The following AXIN1 variants were observed in gnomAD, a reference collection of about 807,000 sequenced individuals.
AXIN1 encodes axin 1.
A neutral mutation model predicts 76.4 loss-of-function variants in AXIN1; 30 were observed. That is an observed-to-expected ratio of 0.39 (90% CI 0.29 to 0.53). The LOEUF (loss-of-function observed/expected upper bound fraction) is 0.53. Among genes scored for constraint, AXIN1 ranks in the 20% least tolerant of loss-of-function variants. AXIN1 has a pLI of 0.66. For synonymous variants in AXIN1, 545 were observed against 501.4 expected (o/e 1.09, Z -1.16); for missense variants, 1,140 against 1,198.8 (o/e 0.95, Z 0.72).
intron 2 of AXIN1, among the ~76,000 whole-genome samples, chr16:318,016 C>T (rs185932700): frequency 7.9e-5 from 12 of 152,322 alleles, no homozygotes; most frequent in Non-Finnish European, 1.5e-4. Flanking sequence ...CTGTAGCCCA[C>T]GGCACTTGGT....
intron 10 of AXIN1, among the ~76,000 whole-genome samples, chr16:288,714 G>A (rs1022941973): frequency 2.6e-5 from 4 of 152,358 alleles, no homozygotes; most frequent in East Asian, 1.9e-4. Flanking sequence ...TCTGCTCACC[G>A]CCCAGTGCTC....
At chr16:290,966 G>A in intron 9 of AXIN1, 1 of 600,114 alleles carries the variant, frequency 1.7e-6, no homozygotes, top group Non-Finnish European at 3.0e-6. Context: ...GGGCCTTTTG[G>A]TCACTTGTCA....
intron 2 of AXIN1, among the ~76,000 whole-genome samples, chr16:339,029 G>A (rs2053861682): frequency 2.0e-5 from 3 of 151,018 alleles, no homozygotes; most frequent in Non-Finnish European, 4.4e-5. Flanking sequence ...ATGAGCCACC[G>A]TGCCTGGCCA....
At chr16:324,721 A>G (rs2053540726) in intron 2 of AXIN1, among the ~76,000 whole-genome samples, 1 of 152,106 alleles carries the variant, frequency 6.6e-6, no homozygotes, top group Non-Finnish European at 1.5e-5. Context: ...TGAGCGGTCC[A>G]ATCCTCAGAC....
chr16:320,721 G>GTA (rs1363646713), intron 2 of AXIN1, among the ~76,000 whole-genome samples: 37 of 120,158 alleles, frequency 3.1e-4, no homozygotes, highest in East Asian at 1.1e-3. Flanking sequence ...ATGCGTGTGT[G>GTA]TGTATATATA....
intron 1 of AXIN1, among the ~76,000 whole-genome samples, chr16:349,424 A>G (rs999961425): frequency 6.6e-6 from 1 of 152,206 alleles, no homozygotes; most frequent in African/African-American, 2.4e-5. Flanking sequence ...GGACGCCATC[A>G]CAGGAAAGAA....
chr16:315,630 A>C (rs2053282468), intron 2 of AXIN1, among the ~76,000 whole-genome samples: 1 of 152,122 alleles, frequency 6.6e-6, no homozygotes, highest in African/African-American at 2.4e-5. Context: ...GATCGAGACC[A>C]TCCTGGCTAA....
At chr16:288,402 C>T in intron 10 of AXIN1, 154 bp from the exon 11 acceptor site, 1 of 1,113,636 alleles carries the variant, frequency 9.0e-7, no homozygotes, top group Non-Finnish European at 1.3e-6. Flanking sequence ...CCCAGGGCAA[C>T]AGTGAACAGT....
Position 298,149 on chromosome 16 carries a change from C to A in AXIN1, c.1357G>T (p.Asp453Tyr). 6.5e-7 allele frequency: 1 copy of A among 1,543,768 alleles called. No homozygotes were observed. The highest frequency in any genetic ancestry group is 8.7e-7 in the Non-Finnish European group (1 of 1,147,730). ...AWHHFPPRCV[D>Y]MGCAGLRDAH... ...TCCCGGAGCCCGGCACAGCCCATGT[C>A]CACACAGCGGGGCGGGAAGTGGTGC... The change falls in exon 6 of 11, where the codon GAC becomes TAC. Residue 453 changes from aspartate to tyrosine, a missense_variant. This residue lies in a region of AXIN1 where 708 missense variants were observed against 776.9 expected (regional missense o/e 0.91). Transcript: ENST00000262320.
At chr16:306,551 C>A (rs538753381) in intron 4 of AXIN1, among the ~76,000 whole-genome samples, 3 of 152,310 alleles carry the variant, frequency 2.0e-5, no homozygotes, top group Admixed American at 6.5e-5. Flanking sequence ...CTCATCTACA[C>A]AATGAGAGTA....
At chr16:303,982 G>A (rs538960436) in intron 5 of AXIN1, among the ~76,000 whole-genome samples, 204 of 152,254 alleles carry the variant, frequency 1.3e-3, no homozygotes, top group African/African-American at 4.7e-3. Context: ...GAGATCACCC[G>A]CTGCAGTCTC....
intron 2 of AXIN1, among the ~76,000 whole-genome samples, chr16:319,340 C>T (rs1223257391): frequency 2.0e-5 from 3 of 152,064 alleles, no homozygotes; most frequent in Admixed American, 6.6e-5. Context: ...ACAAAAATGT[C>T]GTGGAGAGGA....
chr16:309,209 A>AC (rs1235985368), intron 4 of AXIN1, among the ~76,000 whole-genome samples: 1 of 151,524 alleles, frequency 6.6e-6, no homozygotes, highest in Non-Finnish European at 1.5e-5. Context: ...AGGCGCCTGT[A>AC]CTCCCAGCTA....
rs1265435670 is a variant in AXIN1 at position 289,508 on chromosome 16, G to A, written c.2394C>T (p.Thr798=). 5.0e-6 allele frequency: 8 copies of A among 1,612,970 alleles called. No homozygotes were observed. The highest frequency in any genetic ancestry group is 6.8e-6 in the Non-Finnish European group (8 of 1,180,020). Residue 798 remains threonine, a synonymous_variant, in exon 10 of 11, where the codon ACC becomes ACT. Transcript: ENST00000262320. The part of the protein sequence containing the change: ...YFCGEPIPYR[T]LVRGRAVTLG... ...GGGTGACAGCGCGGCCCCTCACCAG[G>A]GTGCGGTAGGGGATGGGTTCCCCGC... is the stretch of plus-strand genomic sequence containing the variant.
chr16:308,306 G>C (rs1350453353), intron 4 of AXIN1, among the ~76,000 whole-genome samples: 3 of 152,210 alleles, frequency 2.0e-5, no homozygotes, highest in African/African-American at 7.2e-5. Flanking sequence ...ATCCTGAGAG[G>C]TCTTTCCAGG....
In AXIN1 at chr16:346,861, C is replaced by G. The variant is rs762641675; in HGVS notation, c.165G>C (p.Glu55Asp). The G allele has an allele frequency of 3.1e-6, 5 of 1,613,666 alleles. No homozygotes were observed. The highest frequency in any genetic ancestry group is 4.2e-6 in the Non-Finnish European group (5 of 1,179,556). Reference protein sequence around the residue: ...CSGKGVGIKGETSTATPRRSD... With the variant: ...CSGKGVGIKGDTSTATPRRSD... ...AGCGCCTCGGAGTGGCCGTCGAAGT[C>G]TCACCTTTAATGCCAACACCTTTCC... The change falls in exon 2 of 11, where the codon GAG becomes GAC. Residue 55 changes from glutamate (E) to aspartate (D), a missense_variant. Glu to Asp is a conservative substitution (Grantham distance 45). Transcript: ENST00000262320.
chr16:302,756 C>G (rs1274306470), intron 5 of AXIN1, among the ~76,000 whole-genome samples: 1 of 152,182 alleles, frequency 6.6e-6, no homozygotes, highest in Non-Finnish European at 1.5e-5. Context: ...AATGGAAACG[C>G]TCAGAAGTGT....
rs571397816 is a variant in AXIN1, at chr16:320,938, C to T, written c.879-6255G>A. The stretch of plus-strand genomic sequence containing the variant: ...TATTTTTAGTAGAGACAAGGTTTCG[C>T]CGTGTTGGTCAGGCTGGTCTCGAAC... On this transcript the variant is annotated intron_variant, in intron 2 of 10. Coordinates refer to ENST00000262320, the MANE Select transcript of AXIN1 (RefSeq NM_003502.4). Among the ~76,000 whole-genome samples the T allele has an allele frequency of 7.2e-5, 11 of 151,954 alleles. No individual in the cohort carries two copies. The East Asian group carries it at 1.2e-3, about 16-fold the overall frequency.
chr16:349,362 G>A (rs1442992653), intron 1 of AXIN1, among the ~76,000 whole-genome samples: 2 of 152,130 alleles, frequency 1.3e-5, no homozygotes, highest in African/African-American at 4.8e-5. Context: ...TCAGCATGGA[G>A]GGAGCACCCT....
Sources: allele counts gnomAD v4.1 joint callset (sites outside exome capture counted in the v4.1 genomes callset), GRCh38; gene constraint gnomAD v4.1.1; regional missense constraint gnomAD v4.1.1; transcripts MANE v1.5; gene names NCBI Gene and HGNC (gene_info 2026-07-23, HGNC 2026-07-21).